Variants in SMYD3 observed in about 807,000 individuals in gnomAD.
SMYD3 encodes the protein histone-lysine N-methyltransferase SMYD3.
In SMYD3, 36 loss-of-function variants were observed where a neutral mutation model predicts 57.7. The observed-to-expected ratio is 0.62, with a 90% CI of 0.48 to 0.82. The LOEUF is 0.82. SMYD3 is among the 40% of genes least tolerant of loss of function. The pLI, the probability that SMYD3 is intolerant of heterozygous loss-of-function variation, is 0.00. For missense variants in SMYD3, 515 were observed against 538.8 expected (o/e 0.96, Z 0.44); for synonymous variants, 211 against 195.0 (o/e 1.08, Z -0.68).
chr1:246,067,082 C>T (rs2787973), intron 5 of SMYD3, among the ~76,000 whole-genome samples: 151,009 of 152,326 alleles, frequency 0.99, 74,855 homozygotes, highest in East Asian at 1. Flanking sequence ...TTTGAAGTCA[C>T]GTACCACCAT....
At position 245,973,762 on chromosome 1, in the gene SMYD3, G is replaced by A. The variant is rs557828847; in HGVS notation, c.532-43825C>T. ...GCTAAAGAACACTTCCCTTAATAACGTCTTTTGATCGGCACGAGGAAATCT... is the reference window on the plus strand; with the variant it reads ...GCTAAAGAACACTTCCCTTAATAACATCTTTTGATCGGCACGAGGAAATCT... On this transcript the variant is annotated intron_variant, in intron 5 of 11. Transcript: ENST00000490107. Among the ~76,000 whole-genome samples the A allele has an allele frequency of 2.8e-4, 43 of 152,230 alleles. 1 individual carries two copies. The South Asian group carries it at 7.3e-3, about 26-fold the overall frequency.
At chr1:245,806,693 G>A (rs1383601152) in intron 10 of SMYD3, among the ~76,000 whole-genome samples, 9 of 151,896 alleles carry the variant, frequency 5.9e-5, no homozygotes, top group Non-Finnish European at 1.2e-4. Flanking sequence ...GGTGGATCAT[G>A]AGGTCAGGAG....
At chr1:246,060,738 A>G (rs561097846) in intron 5 of SMYD3, among the ~76,000 whole-genome samples, 1 of 152,160 alleles carries the variant, frequency 6.6e-6, no homozygotes, top group African/African-American at 2.4e-5. Context: ...CCCATAAAGA[A>G]AGACATCCAG....
chr1:245,764,557 AT>A (rs1413617348), intron 10 of SMYD3, among the ~76,000 whole-genome samples: 3 of 152,100 alleles, frequency 2.0e-5, no homozygotes, highest in Non-Finnish European at 2.9e-5. Flanking sequence ...CTCAATATAT[AT>A]TTGTTGAATA....
intron 10 of SMYD3, among the ~76,000 whole-genome samples, chr1:245,806,913 T>A: frequency 1.6e-5 from 1 of 61,128 alleles, no homozygotes; most frequent in African/African-American, 1.0e-4. Context: ...CGAGACTCCG[T>A]CTCAAAAAAA....
chr1:246,221,613 G>A (rs541590845), intron 5 of SMYD3, among the ~76,000 whole-genome samples: 35 of 152,290 alleles, frequency 2.3e-4, no homozygotes, highest in Admixed American at 1.0e-3. Context: ...CGGGAAAGCC[G>A]CTTGCAGTGA....
At chr1:246,072,489 CTCTTA>C (rs1377550864) in intron 5 of SMYD3, among the ~76,000 whole-genome samples, 5 of 152,178 alleles carry the variant, frequency 3.3e-5, no homozygotes, top group Admixed American at 6.5e-5. Context: ...TTAGACAGGA[CTCTTA>C]TCTTGTGGTT....
At chr1:246,335,317 T>A in intron 3 of SMYD3, 50 bp downstream of exon 3, 2 of 1,490,608 alleles carry the variant, frequency 1.3e-6, no homozygotes, top group Non-Finnish European at 1.9e-6. Context: ...TGCAATTGCA[T>A]ATGTTTATTT....
chr1:246,375,325 CTTTTTTTTTTTTTT>C (rs60882470), intron 1 of SMYD3, among the ~76,000 whole-genome samples: 4 of 62,246 alleles, frequency 6.4e-5, no homozygotes, highest in Admixed American at 4.4e-4. Flanking sequence ...TAATGAGAGA[CTTTTTTTTTTTTTT>C]TTTTTTTTTT....
At chr1:246,146,168 C>T (rs939863048) in intron 5 of SMYD3, among the ~76,000 whole-genome samples, 3 of 152,048 alleles carry the variant, frequency 2.0e-5, no homozygotes, top group South Asian at 2.1e-4. Context: ...CCATGTTCTC[C>T]GATAAGGAAA....
intron 7 of SMYD3, among the ~76,000 whole-genome samples, chr1:245,919,817 A>C (rs2055732645): frequency 1.3e-5 from 2 of 152,220 alleles, no homozygotes; most frequent in Admixed American, 1.3e-4. Flanking sequence ...AATTGCATTA[A>C]AATATTAATG....
intron 5 of SMYD3, among the ~76,000 whole-genome samples, chr1:246,182,440 C>T (rs979834643): frequency 6.6e-6 from 1 of 152,146 alleles, no homozygotes; most frequent in Non-Finnish European, 1.5e-5. Context: ...ATCTCCCACA[C>T]AGTAAAAAGG....
intron 10 of SMYD3, among the ~76,000 whole-genome samples, chr1:245,798,869 C>G (rs138150670): frequency 1.3e-5 from 2 of 152,292 alleles, no homozygotes; most frequent in African/African-American, 4.8e-5. Context: ...AACCCCTCAG[C>G]CCAGCCTTGC....
intron 10 of SMYD3, among the ~76,000 whole-genome samples, chr1:245,818,421 T>A (rs1303307588): frequency 2.0e-5 from 3 of 152,092 alleles, no homozygotes; most frequent in Non-Finnish European, 4.4e-5. Flanking sequence ...GAACAACCGG[T>A]ACCAGCCACT....
intron 10 of SMYD3, among the ~76,000 whole-genome samples, chr1:245,850,980 G>A (rs905027726): frequency 7.8e-6 from 1 of 127,406 alleles, no homozygotes; most frequent in African/African-American, 3.4e-5. Context: ...TTAGCCATAG[G>A]GAGGGCTTTG....
chr1:246,335,328 A>C lies in SMYD3; in HGVS notation c.336+39T>G, dbSNP rs372040050. Reference sequence around the variant, plus strand: ...AAAATGCAATTGCATATGTTTATTTAACCAAAACCCAGCTATATTTCATGA... The same window carrying C: ...AAAATGCAATTGCATATGTTTATTTCACCAAAACCCAGCTATATTTCATGA... On this transcript the variant is annotated intron_variant, in intron 3 of 11. Coordinates refer to ENST00000490107, the MANE Select transcript of SMYD3 (RefSeq NM_001167740.2). 2.9e-5 allele frequency: 46 copies of C among 1,575,554 alleles called. No homozygotes were observed. The African/African-American group carries it at 6.2e-4, about 21-fold the overall frequency.
intron 5 of SMYD3, among the ~76,000 whole-genome samples, chr1:246,052,091 C>T (rs1558184580): frequency 6.6e-6 from 1 of 152,202 alleles, no homozygotes; most frequent in Non-Finnish European, 1.5e-5. Flanking sequence ...CATAAAACGG[C>T]TGCATCATGC....
At chr1:246,411,213 C>A (rs1460845763) in intron 1 of SMYD3, among the ~76,000 whole-genome samples, 1 of 152,130 alleles carries the variant, frequency 6.6e-6, no homozygotes, top group East Asian at 1.9e-4. Context: ...ACCCAAAAAA[C>A]ACATGAAAAA....
chr1:246,131,800 G>T (rs1390773122), intron 5 of SMYD3, among the ~76,000 whole-genome samples: 1 of 152,044 alleles, frequency 6.6e-6, no homozygotes, highest in East Asian at 1.9e-4. Context: ...CACATATGAA[G>T]ACAATGACCA....
Sources: allele counts gnomAD v4.1 joint callset (sites outside exome capture counted in the v4.1 genomes callset), GRCh38; gene constraint gnomAD v4.1.1; transcripts MANE v1.5; gene names NCBI Gene and HGNC (gene_info 2026-07-23, HGNC 2026-07-21).